Variants in NOTUM observed in about 807,000 individuals in gnomAD.
The protein encoded by NOTUM is notum, palmitoleoyl-protein carboxylesterase, also known as palmitoleoyl-protein carboxylesterase NOTUM.
A neutral mutation model predicts 65.5 loss-of-function variants in NOTUM; 36 were observed. The observed-to-expected ratio is 0.55, with a 90% CI of 0.42 to 0.73. The LOEUF (loss-of-function observed/expected upper bound fraction) is 0.73, where lower values mean the gene tolerates loss of function less well. Among genes scored for constraint, NOTUM ranks in the 30% least tolerant of loss-of-function variants. The pLI is 0.00. For synonymous variants in NOTUM, 356 were observed against 297.9 expected, an observed-to-expected ratio of 1.20 and a Z score of -2.01; for missense variants, 659 against 694.2, an observed-to-expected ratio of 0.95 and a Z score of 0.57.
At chr17:81,955,366 G>A (rs1179382079) in intron 9 of NOTUM, 31 bp downstream of exon 9, 23 of 1,526,206 alleles carry the variant, frequency 1.5e-5, no homozygotes, top group East Asian at 7.4e-5. Flanking sequence ...GGAGCTACCC[G>A]GCGTGGGGCT....
In NOTUM at chr17:81,952,649, G is replaced by C. The variant is rs1414294953; in HGVS notation, c.*312C>G. Reference sequence around the variant, plus strand: ...TAAAATAATATAAAAGGGCTTGATGGGTGGGGCCGGTGGGTGCTGTCTGAG... The same window carrying C: ...TAAAATAATATAAAAGGGCTTGATGCGTGGGGCCGGTGGGTGCTGTCTGAG... On this transcript the variant is annotated 3_prime_UTR_variant, in exon 11 of 11. Transcript: ENST00000409678. 3.5e-5 allele frequency: 14 copies of C among 404,486 alleles called. No individual in the cohort carries two copies. The highest frequency in any genetic ancestry group is 5.2e-5 in the South Asian group (1 of 19,244). 25.1% of individuals were successfully genotyped at this position (404,486 alleles called of 1,614,324 possible). A position where few individuals can be genotyped will look rare whatever the true frequency, so the allele number is the denominator to read the frequency against.
rs1384194015 is a variant in NOTUM, at chr17:81,960,861, C to G, written c.49G>C (p.Ala17Pro). 2.0e-6 allele frequency: 3 copies of G among 1,477,854 alleles called. No homozygotes were observed. In the East Asian group the frequency reaches 7.6e-5, roughly 37 times the overall value. The allele number at this position is 1,477,854 out of a possible 1,614,324, so 91.5% of individuals were successfully genotyped here. A position where few individuals can be genotyped will look rare whatever the true frequency, so the allele number is the denominator to read the frequency against. Residue 17 changes from alanine to proline, a missense_variant, in exon 1 of 11, where the codon GCC becomes CCC. Physicochemically the swap from Ala to Pro is conservative, Grantham distance 27. Transcript: ENST00000409678. The surrounding 1 kb of genome is among the most constrained non-coding windows in gnomAD (Gnocchi z 6.4). ...VLLLLSLLHC[A>P]GGSEGRKTWR... ...GTCTTCCTGCCCTCGCTGCCCCCGGCGCAGTGCAGCAGGCTCAGCAGCAGC... is the reference window on the plus strand; with the variant it reads ...GTCTTCCTGCCCTCGCTGCCCCCGGGGCAGTGCAGCAGGCTCAGCAGCAGC...
Position 81,956,933 on chromosome 17 carries a change from G to A in NOTUM, c.837C>T (p.Cys279=), listed in dbSNP as rs766534260. Residue 279 remains cysteine, a synonymous_variant, in exon 7 of 11, where the codon TGC becomes TGT. Coordinates refer to ENST00000409678, the MANE Select transcript of NOTUM (RefSeq NM_178493.6). ...LDNKQYRHTD[C]VDTITCAPTE... ...TGGGCGCGCACGTGATCGTGTCGACGCAGTCTGTGTGGCGATACTGCTTGT... is the reference window on the plus strand; with the variant it reads ...TGGGCGCGCACGTGATCGTGTCGACACAGTCTGTGTGGCGATACTGCTTGT... 9.9e-6 allele frequency: 16 copies of A among 1,612,894 alleles called. No individual in the cohort carries two copies. Among genetic ancestry groups the A allele is most frequent in the Admixed American group, 6.7e-5 (4 of 60,002 alleles).
chr17:81,958,267 G>T, intron 5 of NOTUM, 68 bp downstream of exon 5: 1 of 1,064,062 alleles, frequency 9.4e-7, no homozygotes, highest in Non-Finnish European at 1.5e-6. Flanking sequence ...CTGCCGTCCT[G>T]CCTCCTCCCT....
intron 6 of NOTUM, among the ~76,000 whole-genome samples, 176 bp downstream of exon 6, chr17:81,957,630 G>A (rs537096247): frequency 3.3e-5 from 5 of 152,214 alleles, no homozygotes; most frequent in East Asian, 1.9e-4. Flanking sequence ...CCTCAGAGAC[G>A]TCTCCAATGA....
rs777837080 is a variant in NOTUM, at chr17:81,959,160, G to A, written c.473-165C>T. 2.0e-5 allele frequency: 13 copies of A among 655,314 alleles called. No homozygotes were observed. In the East Asian group the frequency reaches 2.7e-4, roughly 14 times the overall value. The allele number at this position is 655,314 out of a possible 1,614,324, so 40.6% of individuals were successfully genotyped here. ...TGCCGGGAAAGTGGAGGACAGTTGG[G>A]TTTAGTTACCCCCGGGAAGCCACCA... On this transcript the variant is annotated intron_variant, in intron 3 of 10. Coordinates refer to ENST00000409678, the MANE Select transcript of NOTUM (RefSeq NM_178493.6).
At chr17:81,957,106 G>T (rs1455273682) in intron 6 of NOTUM, 32 bp from the exon 7 acceptor site, 1 of 1,566,192 alleles carries the variant, frequency 6.4e-7, no homozygotes, top group Admixed American at 1.7e-5. Flanking sequence ...AGGCCAGGTG[G>T]CTGGGAAGAG....
At position 81,955,531 on chromosome 17, in the gene NOTUM, C is replaced by T; in HGVS notation, c.1002G>A (p.Val334=). 6.2e-7 allele frequency: 1 copy of T among 1,610,932 alleles called. No homozygotes were observed. Among genetic ancestry groups the T allele is most frequent in the Non-Finnish European group, 8.5e-7 (1 of 1,179,004 alleles). The change falls in exon 9 of 11, where the codon GTG becomes GTA. Residue 334 remains valine, a synonymous_variant. Coordinates refer to ENST00000409678, the MANE Select transcript of NOTUM (RefSeq NM_178493.6). ...GTGCCTCGTCAAACAGCCACTGCAC[C>T]ACGAACACAGGGCCTGCGGGCGGCG... ...VYPTLRCPVF[V]VQWLFDEAQL... is the part of the protein sequence containing the mutation.
chr17:81,958,297 TCCCTG>T, intron 5 of NOTUM, 33 bp downstream of exon 5: 1 of 1,463,734 alleles, frequency 6.8e-7, no homozygotes, highest in Non-Finnish European at 9.6e-7. Flanking sequence ...TCCGGCCCCG[TCCCTG>T]CCCTGCCATG....
In NOTUM at chr17:81,955,558, G is replaced by A. The variant is rs762535939; in HGVS notation, c.989-14C>T. 1.2e-6 allele frequency: 2 copies of A among 1,605,130 alleles called. No homozygotes were observed. Among genetic ancestry groups the A allele is most frequent in the Non-Finnish European group, 1.7e-6 (2 of 1,176,100 alleles). ...CGAACACAGGGCCTGCGGGCGGCGG[G>A]GCTCAGTTCGGCCTCCCCTGACCCC... On this transcript the variant is annotated splice_polypyrimidine_tract_variant and intron_variant, in intron 8 of 10. Coordinates refer to ENST00000409678, the MANE Select transcript of NOTUM (RefSeq NM_178493.6).
At chr17:81,958,827 A>T in intron 4 of NOTUM, 108 bp downstream of exon 4, 1 of 824,686 alleles carries the variant, frequency 1.2e-6, no homozygotes. Context: ...CATCCAGAAC[A>T]GGACCCCCAG....
Position 81,952,767 on chromosome 17 carries a change from C to T in NOTUM, c.*194G>A, listed in dbSNP as rs2041396648. 5.0e-6 allele frequency: 3 copies of T among 602,034 alleles called. No individual in the cohort carries two copies. The highest frequency in any genetic ancestry group is 3.9e-5 in the South Asian group (2 of 51,296). 37.3% of individuals were successfully genotyped at this position (602,034 alleles called of 1,614,324 possible). A position where few individuals can be genotyped will look rare whatever the true frequency, so the allele number is the denominator to read the frequency against. ...CCACAGATGGGGATGACAGCAGGTC[C>T]CTTGTCTCTGGCTGGGCTGTGGGAG... is the stretch of plus-strand genomic sequence containing the variant. On this transcript the variant is annotated 3_prime_UTR_variant, in exon 11 of 11. Transcript: ENST00000409678.
rs769073615 is a variant in NOTUM at position 81,957,821 on chromosome 17, A to G, written c.680T>C (p.Leu227Pro). ...CCCTGCCCACCTGCTCCCGGCCAGC[A>G]GCAGCACCTTGGCCCCGCTCAGCCC... ...GRGLSGAKVLLLAGSSAGGTG... is the reference protein window; with the variant it reads ...GRGLSGAKVLPLAGSSAGGTG... The change falls in exon 6 of 11, where the codon CTG becomes CCG. Residue 227 changes from leucine (L) to proline (P), a missense_variant. Coordinates refer to ENST00000409678, the MANE Select transcript of NOTUM (RefSeq NM_178493.6). 6.2e-7 allele frequency: 1 copy of G among 1,605,038 alleles called. No homozygotes were observed. The highest frequency in any genetic ancestry group is 8.5e-7 in the Non-Finnish European group (1 of 1,176,216).
chr17:81,956,494 C>T (rs1403169281), intron 8 of NOTUM, among the ~76,000 whole-genome samples, 156 bp downstream of exon 8: 2 of 152,116 alleles, frequency 1.3e-5, no homozygotes, highest in African/African-American at 4.8e-5. Flanking sequence ...GGTACACAGC[C>T]GGCCTCCTCC....
chr17:81,957,933 A>C, intron 5 of NOTUM, 25 bp from the exon 6 acceptor site: 1 of 1,527,912 alleles, frequency 6.5e-7, no homozygotes, highest in Non-Finnish European at 8.9e-7. Flanking sequence ...GGGTGGCCTC[A>C]GGTAGGGGCC....
intron 3 of NOTUM, 142 bp downstream of exon 3, chr17:81,959,329 G>T: frequency 1.5e-6 from 1 of 661,092 alleles, no homozygotes. Context: ...CAAGAGTGAA[G>T]GGCGCCCCTT....
rs2041425182 is a variant in NOTUM, at chr17:81,955,470, G to T, written c.1063C>A (p.Pro355Thr). The change falls in exon 9 of 11, where the codon CCG becomes ACG. Residue 355 changes from proline to threonine, a missense_variant. Transcript: ENST00000409678. Reference sequence around the variant, plus strand: ...TACAGCCGCAGGCCCTCCTGCACCGGCTGCCCCGTCAGGTGCACGTTGTCC... The same window carrying T: ...TACAGCCGCAGGCCCTCCTGCACCGTCTGCCCCGTCAGGTGCACGTTGTCC... ...TVDNVHLTGQ[P>T]VQEGLRLYIQ... The T allele has an allele frequency of 6.2e-7, 1 of 1,609,568 alleles. No homozygotes were observed. The highest frequency in any genetic ancestry group is 1.3e-5 in the African/African-American group (1 of 74,784).
At chr17:81,957,304 C>T (rs2041440777) in intron 6 of NOTUM, among the ~76,000 whole-genome samples, 1 of 152,180 alleles carries the variant, frequency 6.6e-6, no homozygotes, top group African/African-American at 2.4e-5. Flanking sequence ...CCAGGCTCTC[C>T]CCTTCCTCCT....
At position 81,960,685 on chromosome 17, in the gene NOTUM, C is replaced by G; in HGVS notation, c.225G>C (p.Gln75His). ...SFMAQVKSLAQSLYPCSAQQL... is the reference protein window; with the variant it reads ...SFMAQVKSLAHSLYPCSAQQL... ...GCTGCGCGGAGCAGGGGTACAGGGA[C>G]TGCGCCAGGCTCTTGACTTGCGCCA... Residue 75 changes from glutamine (Q) to histidine (H), a missense_variant, in exon 1 of 11, where the codon CAG (glutamine) becomes CAC (histidine). Physicochemically the swap from Gln to His is conservative, Grantham distance 24. Coordinates refer to ENST00000409678, the MANE Select transcript of NOTUM (RefSeq NM_178493.6). The surrounding 1 kb of genome is among the most constrained non-coding windows in gnomAD (Gnocchi z 6.4). The G allele has an allele frequency of 6.2e-7, 1 of 1,600,716 alleles. No individual in the cohort carries two copies. Among genetic ancestry groups the G allele is most frequent in the Non-Finnish European group, 8.5e-7 (1 of 1,174,430 alleles).
Sources: gnomAD v4.1 joint callset for allele counts (sites outside exome capture counted in the v4.1 genomes callset) on GRCh38, gnomAD v4.1.1 for gene constraint, Gnocchi (gnomAD v3.1) non-coding constraint, MANE v1.5 for transcripts, NCBI Gene and HGNC (gene_info 2026-07-23, HGNC 2026-07-21) for gene names.